HMGXB4: variants seen among roughly 807,000 people sequenced by gnomAD.
HMGXB4 encodes HMG-box containing 4, also known as HMG domain-containing protein 4.
A neutral mutation model predicts 63.9 loss-of-function variants in HMGXB4; 27 were observed. The ratio of observed to expected loss-of-function variants is 0.42; its 90% CI spans 0.31 to 0.58. The LOEUF (loss-of-function observed/expected upper bound fraction) is 0.58. Among genes scored for constraint, HMGXB4 ranks in the 20% least tolerant of loss-of-function variants. The pLI, the probability that HMGXB4 is intolerant of heterozygous loss-of-function variation, is 0.13. For synonymous variants in HMGXB4, 264 were observed against 265.3 expected (o/e 0.99, Z 0.05); for missense variants, 624 against 700.7 (o/e 0.89, Z 1.24).
rs768225778 is a variant in HMGXB4 at position 35,264,999 on chromosome 22, G to T, written c.611G>T (p.Ser204Ile). 2.4e-5 allele frequency: 39 copies of T among 1,613,974 alleles called. No individual in the cohort carries two copies. The Admixed American group carries it at 6.3e-4, about 26-fold the overall frequency. ...CTGTCACCAAAGGAGAAGGGAAGCA[G>T]CTCTGTTGATGAGGAGTCTTTTCAA... ...LILSPKEKGS[S>I]SVDEESFQYP... Residue 204 changes from serine (S) to isoleucine (I), a missense_variant, in exon 5 of 11, where the codon AGC becomes ATC. Around this residue, in one of 2 missense-constraint regions of HMGXB4, gnomAD observed 472 missense variants for 470.6 expected, o/e 1.00. Coordinates refer to ENST00000216106, the MANE Select transcript of HMGXB4 (RefSeq NM_001003681.3).
rs960305533 is a variant in HMGXB4 at position 35,295,005 on chromosome 22, G to C, written c.*1354G>C. The stretch of plus-strand genomic sequence containing the variant: ...AAGAGGAATGTTACCATCCCCAGCT[G>C]CCCTTATTTCCAGAGAACCAGACGT... On this transcript the variant is annotated 3_prime_UTR_variant, in exon 11 of 11. Coordinates refer to ENST00000216106, the MANE Select transcript of HMGXB4 (RefSeq NM_001003681.3). 3.2e-4 allele frequency: 48 copies of C among 152,328 alleles called. No individual in the cohort carries two copies. Among genetic ancestry groups the C allele is most frequent in the African/African-American group, 1.1e-3 (46 of 41,576 alleles). The allele number at this position is 152,328 out of a possible 1,614,324, so 9.4% of individuals were successfully genotyped here.
At chr22:35,273,109 A>G (rs1428590969) in intron 5 of HMGXB4, among the ~76,000 whole-genome samples, 1 of 152,122 alleles carries the variant, frequency 6.6e-6, no homozygotes, top group Non-Finnish European at 1.5e-5. Flanking sequence ...ACATAACTAG[A>G]CTTGTGATGC....
chr22:35,243,665 T>A, the HMGXB4 span, among the ~76,000 whole-genome samples: 1 of 152,046 alleles, frequency 6.6e-6, no homozygotes, highest in South Asian at 2.1e-4. Flanking sequence ...TGGCTGGGCC[T>A]CCCAAGTTGC....
intron 9 of HMGXB4, among the ~76,000 whole-genome samples, chr22:35,290,170 AAGAAGTT>A (rs1021635457): frequency 6.6e-6 from 1 of 152,210 alleles, no homozygotes; most frequent in Non-Finnish European, 1.5e-5. Context: ...TACGTTTCGT[AAGAAGTT>A]AGAAGTAAAA....
chr22:35,243,093 A>T, the HMGXB4 span, among the ~76,000 whole-genome samples: 1 of 152,192 alleles, frequency 6.6e-6, no homozygotes, highest in African/African-American at 2.4e-5. Flanking sequence ...GTATGGGGCC[A>T]GGCGCGGTGG....
chr22:35,285,237 C>T (rs984890307), intron 6 of HMGXB4, among the ~76,000 whole-genome samples: 1 of 152,126 alleles, frequency 6.6e-6, no homozygotes, highest in Non-Finnish European at 1.5e-5. Context: ...GAGACCTCAT[C>T]TCTACAAATA....
chr22:35,245,418 C>G, the HMGXB4 span, among the ~76,000 whole-genome samples: 19 of 148,552 alleles, frequency 1.3e-4, no homozygotes, highest in Non-Finnish European at 2.2e-4. Context: ...CTGCCTACAG[C>G]CCTCTTAAGA....
chr22:35,268,157 A>G (rs1307842100), intron 5 of HMGXB4, among the ~76,000 whole-genome samples: 1 of 152,222 alleles, frequency 6.6e-6, no homozygotes. Flanking sequence ...TGATAGATGC[A>G]CACACCTGTG....
intron 2 of HMGXB4, 34 bp from the exon 3 acceptor site, chr22:35,263,044 C>T: frequency 6.2e-7 from 1 of 1,605,798 alleles, no homozygotes; most frequent in Non-Finnish European, 8.5e-7. Context: ...TTGACTTTCT[C>T]ATTTCCTTTC....
At chr22:35,256,545 G>A (rs991108542), upstream of HMGXB4, among the ~76,000 whole-genome samples, 2 of 152,080 alleles carry the variant, frequency 1.3e-5, no homozygotes, top group Admixed American at 6.6e-5. Context: ...TGTCCCCCAG[G>A]CTGGAGTGCA....
chr22:35,275,601 A>C (rs1923864841), intron 5 of HMGXB4, among the ~76,000 whole-genome samples: 1 of 152,198 alleles, frequency 6.6e-6, no homozygotes, highest in Non-Finnish European at 1.5e-5. Context: ...ATTTTGGGCC[A>C]GGAGCAGTGG....
chr22:35,262,316 T>C lies in HMGXB4; in HGVS notation c.-68-7T>C. ...TTACAGGAGGGTTTTCCTTCTTTGT[T>C]TCTCAGACCTGGTCCTGTAGACGGG... is the stretch of plus-strand genomic sequence containing the variant. On this transcript the variant is annotated splice_polypyrimidine_tract_variant and splice_region_variant and intron_variant, in intron 1 of 10. Transcript: ENST00000216106. 1 of 1,479,370 alleles carries C rather than the reference T, an allele frequency of 6.8e-7. No homozygotes were observed. Among genetic ancestry groups the C allele is most frequent in the Admixed American group, 1.7e-5 (1 of 59,140 alleles). 91.6% of individuals were successfully genotyped at this position (1,479,370 alleles called of 1,614,324 possible). A position where few individuals can be genotyped will look rare whatever the true frequency, so the allele number is the denominator to read the frequency against.
At chr22:35,279,450 T>G (rs1924114835) in intron 5 of HMGXB4, among the ~76,000 whole-genome samples, 1 of 152,110 alleles carries the variant, frequency 6.6e-6, no homozygotes, top group Non-Finnish European at 1.5e-5. Context: ...CTTTTTATTT[T>G]TTTAAGTGTC....
chr22:35,268,972 C>G (rs553619820), intron 5 of HMGXB4, among the ~76,000 whole-genome samples: 1 of 152,168 alleles, frequency 6.6e-6, no homozygotes, highest in East Asian at 1.9e-4. Flanking sequence ...GTCTAAACTC[C>G]CATATTACCT....
intron 5 of HMGXB4, among the ~76,000 whole-genome samples, chr22:35,274,009 A>G (rs914807983): frequency 1.3e-5 from 2 of 152,352 alleles, no homozygotes; most frequent in African/African-American, 2.4e-5. Context: ...TCAATAGTAC[A>G]TATTTACTCT....
upstream of HMGXB4, among the ~76,000 whole-genome samples, chr22:35,252,909 G>A (rs191768938): frequency 5.9e-5 from 9 of 152,238 alleles, no homozygotes; most frequent in East Asian, 9.7e-4. Flanking sequence ...TGAGGCAGGC[G>A]GATCACCTGA....
chr22:35,245,478 T>G, the HMGXB4 span, among the ~76,000 whole-genome samples: 3 of 152,268 alleles, frequency 2.0e-5, no homozygotes, highest in Non-Finnish European at 4.4e-5. Flanking sequence ...TGAAGTATCT[T>G]TATGATGGCT....
chr22:35,285,962 T>G, intron 6 of HMGXB4, 35 bp from the exon 7 acceptor site: 1 of 1,503,500 alleles, frequency 6.7e-7, no homozygotes, highest in Non-Finnish European at 9.1e-7. Flanking sequence ...TAGCTAACCC[T>G]TTACTGTATT....
chr22:35,248,689 G>T, the HMGXB4 span, among the ~76,000 whole-genome samples: 2 of 152,196 alleles, frequency 1.3e-5, no homozygotes, highest in East Asian at 3.9e-4. Context: ...ACAGGCACGG[G>T]CCACTACACC....
Sources: allele counts gnomAD v4.1 joint callset (sites outside exome capture counted in the v4.1 genomes callset), GRCh38; gene constraint gnomAD v4.1.1; regional missense constraint gnomAD v4.1.1; transcripts MANE v1.5; gene names NCBI Gene and HGNC (gene_info 2026-07-23, HGNC 2026-07-21).